Variants in TTC3 observed in about 807,000 individuals in gnomAD.
TTC3 encodes the protein E3 ubiquitin-protein ligase TTC3.
Under a neutral mutation model 249.6 loss-of-function variants are expected in TTC3, and 180 were observed. The observed-to-expected ratio is 0.72, with a 90% CI of 0.64 to 0.82. The LOEUF is 0.82. Among genes scored for constraint, TTC3 ranks in the 40% least tolerant of loss-of-function variants. The pLI, the probability that TTC3 is intolerant of heterozygous loss-of-function variation, is 0.00. For missense variants in TTC3, 2,061 were observed against 2,398.4 expected (o/e 0.86, Z 2.94); for synonymous variants, 717 against 805.0 (o/e 0.89, Z 1.85).
intron 21 of TTC3, among the ~76,000 whole-genome samples, chr21:37,145,622 A>G (rs1308882442): frequency 1.3e-5 from 2 of 152,222 alleles, no homozygotes; most frequent in Non-Finnish European, 2.9e-5. Context: ...TTGTGTTGCT[A>G]TAAAGAAGTA....
At chr21:37,201,192 C>A (rs945300428) in intron 45 of TTC3, among the ~76,000 whole-genome samples, 1 of 152,198 alleles carries the variant, frequency 6.6e-6, no homozygotes, top group Admixed American at 6.5e-5. Flanking sequence ...AGGGCAAGAC[C>A]ACCCCCTGAG....
At chr21:37,182,146 G>A (rs1187440977) in intron 35 of TTC3, among the ~76,000 whole-genome samples, 1 of 152,118 alleles carries the variant, frequency 6.6e-6, no homozygotes, top group African/African-American at 2.4e-5. Flanking sequence ...CAAACCCCTT[G>A]CTACAATTAA....
At chr21:37,144,608 A>G (rs113028362) in exon 21 of TTC3, 34 of 1,612,116 alleles carry the variant, frequency 2.1e-5, no homozygotes, top group Admixed American at 1.7e-4. Context: ...CCCACGAGTA[A>G]TGTGATTATT....
chr21:37,167,677 A>G (rs2081370003), intron 34 of TTC3, 57 bp downstream of exon 34: 1 of 1,358,806 alleles, frequency 7.4e-7, no homozygotes, highest in Non-Finnish European at 1.0e-6. Context: ...ATTTATCTAG[A>G]TGGAATGATG....
At chr21:37,095,208 G>A in intron 8 of TTC3, 142 bp from the exon 9 acceptor site, 1 of 551,416 alleles carries the variant, frequency 1.8e-6, no homozygotes, top group Non-Finnish European at 3.3e-6. Flanking sequence ...ATTGGGTATT[G>A]TAATCTCATT....
At chr21:37,077,390 G>T (rs765355727) in intron 1 of TTC3, among the ~76,000 whole-genome samples, 1 of 152,080 alleles carries the variant, frequency 6.6e-6, no homozygotes, top group Non-Finnish European at 1.5e-5. Context: ...AAAAGAGAAA[G>T]AAATACTGCC....
chr21:37,167,424 T>C (rs888679104), intron 33 of TTC3, 131 bp from the exon 34 acceptor site: 3 of 562,166 alleles, frequency 5.3e-6, no homozygotes, highest in East Asian at 3.8e-5. Context: ...ACGGAAAGCA[T>C]GGAACATGAT....
chr21:37,158,170 G>A lies in TTC3; in HGVS notation c.2992+1264G>A, dbSNP rs138347880. The A allele has an allele frequency of 8.2e-5, 81 of 985,398 alleles. No individual in the cohort carries two copies. In the African/African-American group the frequency reaches 1.3e-3, roughly 16 times the overall value. 61.0% of individuals were successfully genotyped at this position (985,398 alleles called of 1,614,324 possible). ...ACTGAAGGTGACATGCTACTTGATA[G>A]CCTGAATTTATTGCCATCAGTTTGC... On this transcript the variant is annotated intron_variant, in intron 28 of 45. Coordinates refer to ENST00000355666, the Ensembl canonical transcript of TTC3.
Position 37,186,929 on chromosome 21 carries a change from C to T in TTC3, c.4827-120C>T, listed in dbSNP as rs566796063. 6.8e-6 allele frequency: 4 copies of T among 586,244 alleles called. No individual in the cohort carries two copies. The East Asian group carries it at 1.2e-4, about 18-fold the overall frequency. 36.3% of individuals were successfully genotyped at this position (586,244 alleles called of 1,614,324 possible). ...GTAAAATATGAGATGAGAAACTGCT[C>T]TGGAAGATGTAGCTGAGGCTATCGT... On this transcript the variant is annotated intron_variant, in intron 37 of 45. Transcript: ENST00000355666.
At chr21:37,089,562 G>C (rs1252653035) in intron 5 of TTC3, among the ~76,000 whole-genome samples, 1 of 152,076 alleles carries the variant, frequency 6.6e-6, no homozygotes, top group Admixed American at 6.5e-5. Flanking sequence ...CGCCCATGCT[G>C]GAGTGCAGTG....
At chr21:37,075,330 T>C (rs920090645) in intron 1 of TTC3, among the ~76,000 whole-genome samples, 1 of 152,250 alleles carries the variant, frequency 6.6e-6, no homozygotes, top group African/African-American at 2.4e-5. Flanking sequence ...TTTGAACTTG[T>C]TTCAGTTTTT....
chr21:37,185,618 T>G, intron 36 of TTC3, 88 bp from the exon 37 acceptor site: 1 of 610,760 alleles, frequency 1.6e-6, no homozygotes, highest in Non-Finnish European at 2.7e-6. Context: ...AAGAAATGTT[T>G]TTAAGGATAT....
chr21:37,165,888 AT>A lies in TTC3; in HGVS notation c.3676del (p.Ser1226HisfsTer10), dbSNP rs760460686. The A allele has an allele frequency of 3.1e-6, 5 of 1,614,238 alleles. No individual in the cohort carries two copies. Among genetic ancestry groups the A allele is most frequent in the Non-Finnish European group, 4.2e-6 (5 of 1,180,044 alleles). On this transcript the variant is annotated frameshift_variant, in exon 33 of 46. Transcript: ENST00000355666. LOFTEE classifies it high-confidence loss of function. ...GATGTAAAGTCTAAACCAGTGTCAG[AT>A]TCATCTTCAGCACCAGCTTTTGAAA...
intron 20 of TTC3, among the ~76,000 whole-genome samples, chr21:37,143,262 A>G (rs1372195156): frequency 1.3e-5 from 2 of 152,052 alleles, no homozygotes; most frequent in Non-Finnish European, 2.9e-5. Context: ...TAATTAAACT[A>G]AAGAGCTTCT....
In TTC3 at chr21:37,186,958, GTGGTTTCAA is replaced by G. The variant is rs916138893; in HGVS notation, c.4827-90_4827-82del. 30 of 680,026 alleles carry G rather than the reference GTGGTTTCAA, an allele frequency of 4.4e-5. No homozygotes were observed. The African/African-American group carries it at 4.5e-4, about 10-fold the overall frequency. 42.1% of individuals were successfully genotyped at this position (680,026 alleles called of 1,614,324 possible). ...AAGATGTAGCTGAGGCTATCGTGGT[GTGGTTTCAA>G]AGCTCATCCAGCCTGAAACCTTTGT... On this transcript the variant is annotated intron_variant, in intron 37 of 45. Coordinates refer to ENST00000355666, the Ensembl canonical transcript of TTC3.
exon 33 of TTC3, chr21:37,165,898 A>T (rs577781290): frequency 1.2e-6 from 2 of 1,614,146 alleles, no homozygotes; most frequent in Admixed American, 3.3e-5. Context: ...ATTCATCTTC[A>T]GCACCAGCTT....
intron 28 of TTC3, among the ~76,000 whole-genome samples, chr21:37,159,005 C>G (rs2080406745): frequency 6.6e-6 from 1 of 152,150 alleles, no homozygotes; most frequent in Admixed American, 6.5e-5. Context: ...GAACATCTGT[C>G]TAACATTCTG....
At chr21:37,088,522 CATA>C (rs2072819133) in intron 4 of TTC3, among the ~76,000 whole-genome samples, 176 bp downstream of exon 4, 2 of 152,096 alleles carry the variant, frequency 1.3e-5, no homozygotes, top group South Asian at 4.1e-4. Flanking sequence ...ATAATTGTAA[CATA>C]ATCAGTGAAA....
At chr21:37,090,638 T>C in intron 6 of TTC3, 2 of 640,954 alleles carry the variant, frequency 3.1e-6, no homozygotes, top group Non-Finnish European at 3.9e-6. Context: ...CCAGATTCAA[T>C]GTTAAACCAA....
Sources: allele counts gnomAD v4.1 joint callset (sites outside exome capture counted in the v4.1 genomes callset), GRCh38; gene constraint gnomAD v4.1.1; transcripts MANE v1.5; gene names NCBI Gene and HGNC (gene_info 2026-07-23, HGNC 2026-07-21).